Variants in ATF1 observed in about 807,000 individuals in gnomAD.
ATF1 encodes cyclic AMP-dependent transcription factor ATF-1.
Under a neutral mutation model 34.7 loss-of-function variants are expected in ATF1, and 16 were observed. That is an observed-to-expected ratio of 0.46 (90% CI 0.31 to 0.70). The LOEUF (loss-of-function observed/expected upper bound fraction) is 0.70. Among genes scored for constraint, ATF1 ranks in the 30% least tolerant of loss-of-function variants. ATF1 has a pLI of 0.05. For missense variants in ATF1, 255 were observed against 321.6 expected (o/e 0.79, Z 1.58); for synonymous variants, 105 against 113.1 (o/e 0.93, Z 0.46).
intron 2 of ATF1, among the ~76,000 whole-genome samples, chr12:50,790,166 T>G (rs1341573372): frequency 6.6e-6 from 1 of 151,762 alleles, no homozygotes; most frequent in Non-Finnish European, 1.5e-5. Context: ...ATGGTAACTC[T>G]AGAGCTGGAC....
chr12:50,778,560 A>G (rs559039975), intron 1 of ATF1, among the ~76,000 whole-genome samples: 177 of 151,746 alleles, frequency 1.2e-3, no homozygotes, highest in African/African-American at 3.9e-3. Context: ...CTATAGTGTT[A>G]AGTACATTCA....
chr12:50,814,064 T>A lies in ATF1; in HGVS notation c.383T>A (p.Val128Glu). Residue 128 changes from valine to glutamate, a missense_variant, in exon 5 of 7, where the codon GTA becomes GAA. Physicochemically the swap from Val to Glu is moderately radical, Grantham distance 121. Coordinates refer to ENST00000262053, the MANE Select transcript of ATF1 (RefSeq NM_005171.5). ...LQLASPGTDG[V>E]QGLQTLTMTN... ...TTGGCAAGTCCAGGCACAGATGGAGTACAGGGACTTCAGACATTAACCATG... is the reference window on the plus strand; with the variant it reads ...TTGGCAAGTCCAGGCACAGATGGAGAACAGGGACTTCAGACATTAACCATG... 6.2e-7 allele frequency: 1 copy of A among 1,614,092 alleles called. No individual in the cohort carries two copies. Among genetic ancestry groups the A allele is most frequent in the Non-Finnish European group, 8.5e-7 (1 of 1,180,018 alleles).
intron 3 of ATF1, among the ~76,000 whole-genome samples, chr12:50,796,974 T>A (rs961247549): frequency 6.6e-6 from 1 of 152,170 alleles, no homozygotes. Flanking sequence ...AAAAGGCAAC[T>A]TACGGACTGG....
At chr12:50,767,374 G>A (rs1940662761) in intron 1 of ATF1, among the ~76,000 whole-genome samples, 1 of 152,156 alleles carries the variant, frequency 6.6e-6, no homozygotes, top group African/African-American at 2.4e-5. Flanking sequence ...CAAAAAATTA[G>A]CTGGGTGTGG....
chr12:50,805,015 A>G (rs1941587035), intron 3 of ATF1, among the ~76,000 whole-genome samples: 2 of 151,522 alleles, frequency 1.3e-5, no homozygotes, highest in Admixed American at 6.6e-5. Context: ...GTTTCACTAT[A>G]TTGTCCAGGC....
At chr12:50,793,567 A>G (rs376442437) in intron 2 of ATF1, among the ~76,000 whole-genome samples, 9 of 151,800 alleles carry the variant, frequency 5.9e-5, no homozygotes, top group African/African-American at 2.2e-4. Context: ...CGGGAGGCAG[A>G]AGCTGCAGTG....
chr12:50,803,230 T>C (rs1476841469), intron 3 of ATF1, among the ~76,000 whole-genome samples: 2 of 150,318 alleles, frequency 1.3e-5, no homozygotes, highest in East Asian at 3.9e-4. Context: ...ATCGCACCAC[T>C]GTGCTCCAGC....
In ATF1 at chr12:50,819,794, A is replaced by G. The variant is rs1446076067; in HGVS notation, c.*15A>G. 1 of 1,500,092 alleles carries G rather than the reference A, an allele frequency of 6.7e-7. No individual in the cohort carries two copies. Among genetic ancestry groups the G allele is most frequent in the Admixed American group, 2.2e-5 (1 of 46,142 alleles). 92.9% of individuals were successfully genotyped at this position (1,500,092 alleles called of 1,614,324 possible). On this transcript the variant is annotated 3_prime_UTR_variant, in exon 7 of 7. Coordinates refer to ENST00000262053, the MANE Select transcript of ATF1 (RefSeq NM_005171.5). ...AAAGTGTTTGATTCCTAAGAAAGAA[A>G]ATATTTTTGTGGACATGCATAAAAA...
chr12:50,800,559 G>A (rs780419614), intron 3 of ATF1, among the ~76,000 whole-genome samples: 14 of 152,126 alleles, frequency 9.2e-5, no homozygotes, highest in Non-Finnish European at 1.5e-4. Context: ...GCGGGTGAGC[G>A]AGCCTTAGCA....
At chr12:50,810,371 CTTCG>C (rs1219423104) in intron 4 of ATF1, among the ~76,000 whole-genome samples, 1 of 151,748 alleles carries the variant, frequency 6.6e-6, no homozygotes, top group Non-Finnish European at 1.5e-5. Flanking sequence ...GCGTGTACCA[CTTCG>C]CTTGGCTAAT....
At chr12:50,780,350 G>GT (rs1363904445) in intron 2 of ATF1, 112 bp downstream of exon 2, 31,475 of 878,844 alleles carry the variant, frequency 0.036, no homozygotes, top group South Asian at 0.046. Context: ...TGTTTTTTGG[G>GT]TTTTTTTTTT....
rs377435384 is a variant in ATF1 at position 50,814,051 on chromosome 12, G to C, written c.370G>C (p.Gly124Arg). The C allele has an allele frequency of 6.4e-5, 104 of 1,613,970 alleles. No individual in the cohort carries two copies. The highest frequency in any genetic ancestry group is 8.6e-5 in the Non-Finnish European group (101 of 1,180,018). Reference sequence around the variant, plus strand: ...TGGAGCCTTACAGTTGGCAAGTCCAGGCACAGATGGAGTACAGGGACTTCA... The same window carrying C: ...TGGAGCCTTACAGTTGGCAAGTCCACGCACAGATGGAGTACAGGGACTTCA... ...PNGALQLASP[G>R]TDGVQGLQTL... is the part of the protein sequence containing the mutation. The change falls in exon 5 of 7, where the codon GGC (glycine) becomes CGC (arginine). Residue 124 changes from glycine (G) to arginine (R), a missense_variant. Around this residue, in one of 2 missense-constraint regions of ATF1, gnomAD observed 221 missense variants for 250.7 expected, o/e 0.88. Coordinates refer to ENST00000262053, the MANE Select transcript of ATF1 (RefSeq NM_005171.5).
chr12:50,815,336 T>C (rs1305545481), intron 6 of ATF1, among the ~76,000 whole-genome samples: 2 of 152,024 alleles, frequency 1.3e-5, no homozygotes, highest in African/African-American at 4.8e-5. Context: ...GGTGTTGGTG[T>C]CTTAATTTTT....
intron 3 of ATF1, among the ~76,000 whole-genome samples, chr12:50,802,506 CAA>C (rs1444374784): frequency 2.8e-4 from 42 of 152,106 alleles, no homozygotes; most frequent in Admixed American, 2.8e-3. Flanking sequence ...GCCTGGGTGA[CAA>C]GAGCAAAACT....
chr12:50,801,461 A>G (rs1941509603), intron 3 of ATF1, among the ~76,000 whole-genome samples: 1 of 152,252 alleles, frequency 6.6e-6, no homozygotes. Context: ...AAAGCAAATA[A>G]TAAAGTGGAA....
chr12:50,787,732 G>C (rs1372894452), intron 2 of ATF1, among the ~76,000 whole-genome samples: 1 of 151,862 alleles, frequency 6.6e-6, no homozygotes, highest in African/African-American at 2.4e-5. Flanking sequence ...TCAGAGTGAG[G>C]CCTTGTCTAA....
At chr12:50,793,633 C>A (rs1257059466) in intron 2 of ATF1, among the ~76,000 whole-genome samples, 15 of 118,730 alleles carry the variant, frequency 1.3e-4, no homozygotes, top group South Asian at 2.7e-4. Flanking sequence ...GACTCCATCT[C>A]AAAAAAAAAA....
chr12:50,777,784 A>AT (rs1176547943), intron 1 of ATF1, among the ~76,000 whole-genome samples: 1 of 151,726 alleles, frequency 6.6e-6, no homozygotes, highest in Non-Finnish European at 1.5e-5. Context: ...CTGTCTCAAA[A>AT]AAAAAAAAAT....
chr12:50,775,230 C>T (rs1051477312), intron 1 of ATF1, among the ~76,000 whole-genome samples: 3 of 151,740 alleles, frequency 2.0e-5, no homozygotes, highest in Non-Finnish European at 4.4e-5. Context: ...CAAGTATGCA[C>T]CCTGTTAGTT....
Sources: gnomAD v4.1 joint callset for allele counts (sites outside exome capture counted in the v4.1 genomes callset) on GRCh38, gnomAD v4.1.1 for gene constraint, gnomAD v4.1.1 regional missense constraint, MANE v1.5 for transcripts, NCBI Gene and HGNC (gene_info 2026-07-23, HGNC 2026-07-21) for gene names.